Variants in POFUT3 observed in about 807,000 individuals in gnomAD.
POFUT3 encodes the protein protein O-fucosyltransferase 3.
chr8:33,452,653 A>T, the POFUT3 span: 1 of 150,790 alleles, frequency 6.6e-6, no homozygotes, highest in Admixed American at 6.7e-5. Flanking sequence ...TATAACTCCT[A>T]TTTGTCTAAA....
chr8:33,318,741 TTATATAATATATAAATATATTG>T, the POFUT3 span, among the ~76,000 whole-genome samples: 1 of 72,304 alleles, frequency 1.4e-5, no homozygotes. Flanking sequence ...TTATATATAT[TTATATAATATATAAATATATTG>T]TATATATATT....
At chr8:33,390,857 C>A in the POFUT3 span, among the ~76,000 whole-genome samples, 2 of 152,180 alleles carry the variant, frequency 1.3e-5, no homozygotes, top group African/African-American at 4.8e-5. Context: ...GATGTGCAGA[C>A]AGAAGTGATG....
the POFUT3 span, among the ~76,000 whole-genome samples, chr8:33,357,964 A>T: frequency 3.0e-4 from 45 of 152,200 alleles, no homozygotes; most frequent in African/African-American, 9.6e-4. Context: ...CTACAAGACA[A>T]GGCTGGGCAC....
the POFUT3 span, among the ~76,000 whole-genome samples, chr8:33,336,766 G>C: frequency 4.6e-5 from 7 of 152,178 alleles, no homozygotes; most frequent in African/African-American, 1.7e-4. Flanking sequence ...CTGATAGTGA[G>C]AAAGGAACTG....
At chr8:33,340,927 A>G in the POFUT3 span, among the ~76,000 whole-genome samples, 7 of 152,230 alleles carry the variant, frequency 4.6e-5, no homozygotes, top group Non-Finnish European at 1.0e-4. Flanking sequence ...ACAACATGCC[A>G]TCAACCAACA....
chr8:33,309,191 TATATATATAC>T, the POFUT3 span, among the ~76,000 whole-genome samples: 366 of 118,378 alleles, frequency 3.1e-3, 31 homozygotes, highest in African/African-American at 0.011. Flanking sequence ...TATATATATA[TATATATATAC>T]ACACACATAT....
the POFUT3 span, among the ~76,000 whole-genome samples, chr8:33,318,367 C>T: frequency 6.7e-6 from 1 of 148,790 alleles, no homozygotes; most frequent in Non-Finnish European, 1.5e-5. Context: ...TAGCACATTC[C>T]CTTGCACAAA....
chr8:33,313,994 G>A, the POFUT3 span, among the ~76,000 whole-genome samples: 6 of 152,136 alleles, frequency 3.9e-5, no homozygotes, highest in South Asian at 1.2e-3. Flanking sequence ...AGGACACACA[G>A]CACGTAATGA....
At chr8:33,352,406 C>T in the POFUT3 span, among the ~76,000 whole-genome samples, 2 of 152,196 alleles carry the variant, frequency 1.3e-5, no homozygotes, top group African/African-American at 2.4e-5. Context: ...ATTGCACAGG[C>T]ACTTTCTGAC....
the POFUT3 span, among the ~76,000 whole-genome samples, chr8:33,406,376 G>A: frequency 6.6e-6 from 1 of 152,084 alleles, no homozygotes; most frequent in African/African-American, 2.4e-5. Flanking sequence ...AATCTGACTG[G>A]CATAGGGCTT....
At chr8:33,403,232 G>T in the POFUT3 span, among the ~76,000 whole-genome samples, 2 of 151,744 alleles carry the variant, frequency 1.3e-5, no homozygotes, top group South Asian at 4.2e-4. Context: ...TCATCATCAG[G>T]ATTTTTTTCC....
chr8:33,417,009 C>G, the POFUT3 span, among the ~76,000 whole-genome samples: 3 of 152,168 alleles, frequency 2.0e-5, no homozygotes, highest in Non-Finnish European at 4.4e-5. Context: ...GGAACCCAGA[C>G]AGACAATAGG....
At chr8:33,413,391 C>T in the POFUT3 span, among the ~76,000 whole-genome samples, 1 of 152,116 alleles carries the variant, frequency 6.6e-6, no homozygotes, top group African/African-American at 2.4e-5. Flanking sequence ...CCCCCTCTGT[C>T]TTGCTCACTC....
the POFUT3 span, among the ~76,000 whole-genome samples, chr8:33,350,472 T>C: frequency 3.3e-5 from 5 of 152,100 alleles, no homozygotes; most frequent in Non-Finnish European, 5.9e-5. Flanking sequence ...TAAGACTAGA[T>C]TGTGGTGAGT....
At chr8:33,403,411 T>G in the POFUT3 span, among the ~76,000 whole-genome samples, 3 of 152,250 alleles carry the variant, frequency 2.0e-5, no homozygotes, top group East Asian at 5.8e-4. Context: ...ACTACTGATA[T>G]GTCTTGAGAA....
the POFUT3 span, among the ~76,000 whole-genome samples, chr8:33,310,584 G>A: frequency 6.6e-6 from 1 of 151,894 alleles, no homozygotes; most frequent in African/African-American, 2.4e-5. Context: ...CCAGCTACTC[G>A]GGAGGCTGAG....
the POFUT3 span, among the ~76,000 whole-genome samples, chr8:33,397,563 T>A: frequency 6.6e-6 from 1 of 152,184 alleles, no homozygotes; most frequent in African/African-American, 2.4e-5. Flanking sequence ...AAACAGGGGC[T>A]GAGACGGCCT....
At chr8:33,393,590 A>G in the POFUT3 span, among the ~76,000 whole-genome samples, 1 of 152,196 alleles carries the variant, frequency 6.6e-6, no homozygotes, top group African/African-American at 2.4e-5. Context: ...CATTACTCCC[A>G]TACAAACTGG....
At chr8:33,461,831 T>G in the POFUT3 span, 1 of 407,404 alleles carries the variant, frequency 2.5e-6, no homozygotes, top group Non-Finnish European at 4.4e-6. Flanking sequence ...AAAGGAAACA[T>G]TGAGATCATG....
Sources: gnomAD v4.1 joint callset for allele counts (sites outside exome capture counted in the v4.1 genomes callset) on GRCh38, gnomAD v4.1.1 for gene constraint, MANE v1.5 for transcripts, NCBI Gene and HGNC (gene_info 2026-07-23, HGNC 2026-07-21) for gene names.